SGCD: variants seen among roughly 807,000 people sequenced by gnomAD.
The protein encoded by SGCD is sarcoglycan delta.
Under a neutral mutation model 36.6 loss-of-function variants are expected in SGCD, and 18 were observed. The ratio of observed to expected loss-of-function variants is 0.49; its 90% CI spans 0.34 to 0.73. The LOEUF is 0.73. Among genes scored for constraint, SGCD ranks in the 30% least tolerant of loss-of-function variants. The probability of loss-of-function intolerance (pLI) is 0.01; values close to 1 mark genes in which losing one functional copy is unlikely to be tolerated. For missense variants in SGCD, 387 were observed against 346.7 expected (o/e 1.12, Z -0.92); for synonymous variants, 133 against 130.6 (o/e 1.02, Z -0.12).
chr5:156,511,128 C>T (rs192967606), intron 4 of SGCD, among the ~76,000 whole-genome samples: 59 of 152,248 alleles, frequency 3.9e-4, no homozygotes, highest in African/African-American at 1.4e-3. Context: ...ATAAAAAGCC[C>T]TCAAATTCAC....
At chr5:156,378,325 G>T (rs1052338089) in intron 3 of SGCD, among the ~76,000 whole-genome samples, 1 of 152,164 alleles carries the variant, frequency 6.6e-6, no homozygotes, top group Non-Finnish European at 1.5e-5. Flanking sequence ...TAGAAAGATG[G>T]TTGCCAAGGG....
intron 3 of SGCD, among the ~76,000 whole-genome samples, chr5:156,386,931 C>T (rs1164870522): frequency 1.3e-5 from 2 of 152,150 alleles, no homozygotes; most frequent in Non-Finnish European, 2.9e-5. Flanking sequence ...TGTTTTGTTA[C>T]TTTTTTGTGG....
intron 1 of SGCD, among the ~76,000 whole-genome samples, chr5:156,062,448 A>C (rs948267667): frequency 8.7e-6 from 1 of 114,422 alleles, no homozygotes. Context: ...GTATATACCC[A>C]GTAATGGGAT....
At chr5:155,734,308 C>A in the SGCD span, among the ~76,000 whole-genome samples, 1 of 151,614 alleles carries the variant, frequency 6.6e-6, no homozygotes, top group Non-Finnish European at 1.5e-5. Flanking sequence ...TGGGTCAAAC[C>A]ATCCTCCCAC....
chr5:156,217,206 C>T (rs570660002), intron 3 of SGCD, among the ~76,000 whole-genome samples: 1 of 152,128 alleles, frequency 6.6e-6, no homozygotes, highest in African/African-American at 2.4e-5. Context: ...AAACATTGAC[C>T]TCACTGAAAG....
rs904018486 is a variant in SGCD at position 156,062,538 on chromosome 5, C to G, written c.-281-55340C>G. Among the ~76,000 whole-genome samples, 8 of 113,996 alleles carry G rather than the reference C, an allele frequency of 7.0e-5. 2 individuals are homozygous for G. The highest frequency in any genetic ancestry group is 2.6e-4 in the South Asian group (1 of 3,820). The allele number at this position is 113,996 out of a possible 152,430, so 74.8% of individuals were successfully genotyped here. On this transcript the variant is annotated intron_variant, in intron 1 of 9. Transcript: ENST00000517913. Reference sequence around the variant, plus strand: ...CTTCCACAATGGTTGAACTAGTTTACAGTCCCACCAACAGTGTAAAAGTGT... The same window carrying G: ...CTTCCACAATGGTTGAACTAGTTTAGAGTCCCACCAACAGTGTAAAAGTGT...
At chr5:156,421,637 A>G (rs893490046) in intron 3 of SGCD, among the ~76,000 whole-genome samples, 1 of 152,056 alleles carries the variant, frequency 6.6e-6, no homozygotes, top group Non-Finnish European at 1.5e-5. Flanking sequence ...GTGAGCAGAT[A>G]GGTCATATCT....
intron 1 of SGCD, among the ~76,000 whole-genome samples, chr5:155,942,263 T>G (rs973357281): frequency 2.0e-5 from 3 of 152,088 alleles, no homozygotes; most frequent in Non-Finnish European, 4.4e-5. Flanking sequence ...TTTATAGCAT[T>G]TATCTATCAT....
At chr5:156,181,367 G>A (rs1763601719) in intron 3 of SGCD, among the ~76,000 whole-genome samples, 1 of 152,100 alleles carries the variant, frequency 6.6e-6, no homozygotes, top group East Asian at 1.9e-4. Flanking sequence ...TAAAAAACTT[G>A]CTATCATTAA....
chr5:156,737,117 A>G (rs1337402394), intron 7 of SGCD, among the ~76,000 whole-genome samples: 2 of 152,204 alleles, frequency 1.3e-5, no homozygotes, highest in Non-Finnish European at 2.9e-5. Flanking sequence ...ATTATTTTAA[A>G]TGTATACATT....
intron 3 of SGCD, among the ~76,000 whole-genome samples, chr5:156,360,226 A>C (rs947879935): frequency 4.0e-5 from 6 of 150,312 alleles, no homozygotes; most frequent in African/African-American, 1.5e-4. Flanking sequence ...CCTATTTTAC[A>C]TATACCTACC....
chr5:155,993,204 T>C (rs922750897), intron 1 of SGCD, among the ~76,000 whole-genome samples: 1 of 152,204 alleles, frequency 6.6e-6, no homozygotes, highest in Non-Finnish European at 1.5e-5. Flanking sequence ...CATTCCTGCA[T>C]GGCCCCCGTC....
chr5:156,038,022 G>A (rs1264398140), intron 1 of SGCD, among the ~76,000 whole-genome samples: 1 of 152,152 alleles, frequency 6.6e-6, no homozygotes, highest in African/African-American at 2.4e-5. Context: ...TCCCGTAACT[G>A]TCCTATCTTA....
At chr5:156,374,631 T>G (rs952562912) in intron 3 of SGCD, among the ~76,000 whole-genome samples, 1 of 151,642 alleles carries the variant, frequency 6.6e-6, no homozygotes, top group African/African-American at 2.4e-5. Flanking sequence ...AGAAGCTTCC[T>G]GCATGAATAA....
At chr5:156,489,784 A>G (rs1156960166) in intron 3 of SGCD, among the ~76,000 whole-genome samples, 2 of 152,090 alleles carry the variant, frequency 1.3e-5, no homozygotes, top group African/African-American at 4.8e-5. Context: ...AAGGATTTCT[A>G]ATAAACAACC....
At chr5:156,279,707 G>C (rs1213266919) in intron 3 of SGCD, among the ~76,000 whole-genome samples, 1 of 152,034 alleles carries the variant, frequency 6.6e-6, no homozygotes, top group Non-Finnish European at 1.5e-5. Flanking sequence ...AGCAAGAACT[G>C]TACCATGCTG....
chr5:156,023,035 A>G (rs1442366945), intron 1 of SGCD, among the ~76,000 whole-genome samples: 1 of 152,254 alleles, frequency 6.6e-6, no homozygotes, highest in Non-Finnish European at 1.5e-5. Context: ...AGAAAGAGCT[A>G]GCAAAAACAG....
intron 1 of SGCD, among the ~76,000 whole-genome samples, chr5:155,971,860 T>C (rs1581019833): frequency 6.6e-6 from 1 of 152,160 alleles, no homozygotes; most frequent in Admixed American, 6.6e-5. Flanking sequence ...ATTTTGTTTA[T>C]AGGTAAACTG....
In SGCD at chr5:156,052,298, G is replaced by T. The variant is rs1275952802; in HGVS notation, c.-281-65580G>T. On this transcript the variant is annotated intron_variant, in intron 1 of 9. Coordinates refer to the SGCD transcript ENST00000517913. ...TCGGGGGTAAGGGGTGAAGAGTTTG[G>T]TGTGTTCAAGTGGTAGGACAGAAGC... is the stretch of plus-strand genomic sequence containing the variant. 4.8e-5 allele frequency among the ~76,000 whole-genome samples: 7 copies of T among 146,122 alleles called. 1 individual carries two copies. In the Admixed American group the frequency reaches 4.8e-4, roughly 10 times the overall value.
Sources: gnomAD v4.1 joint callset for allele counts (sites outside exome capture counted in the v4.1 genomes callset) on GRCh38, gnomAD v4.1.1 for gene constraint, MANE v1.5 for transcripts, NCBI Gene and HGNC (gene_info 2026-07-23, HGNC 2026-07-21) for gene names.